Variants in MCM6 observed in about 807,000 individuals in gnomAD.
MCM6 encodes DNA replication licensing factor MCM6.
A neutral mutation model predicts 94.3 loss-of-function variants in MCM6; 46 were observed. The ratio of observed to expected loss-of-function variants is 0.49; its 90% CI spans 0.39 to 0.62. The LOEUF (loss-of-function observed/expected upper bound fraction) is 0.62. Among genes scored for constraint, MCM6 ranks in the 20% least tolerant of loss-of-function variants. The pLI, the probability that MCM6 is intolerant of heterozygous loss-of-function variation, is 0.00. For missense variants in MCM6, 865 were observed against 1,017.9 expected (o/e 0.85, Z 2.04); for synonymous variants, 335 against 351.9 (o/e 0.95, Z 0.54).
intron 8 of MCM6, among the ~76,000 whole-genome samples, chr2:135,860,562 G>A (rs904339789): frequency 6.6e-6 from 1 of 152,152 alleles, no homozygotes; most frequent in Admixed American, 6.5e-5. Flanking sequence ...TGCAAGATTG[G>A]TTTAACATCT....
chr2:135,842,592 A>G (rs768249705), intron 16 of MCM6, among the ~76,000 whole-genome samples: 14 of 152,364 alleles, frequency 9.2e-5, no homozygotes, highest in Non-Finnish European at 2.1e-4. Context: ...CTGCTGGGCC[A>G]TGTTAAACAT....
At chr2:135,846,496 CT>C in intron 14 of MCM6, 104 bp from the exon 15 acceptor site, 1 of 922,278 alleles carries the variant, frequency 1.1e-6, no homozygotes, top group Non-Finnish European at 1.7e-6. Context: ...ATTTTTTTCA[CT>C]TTTAAAAATT....
intron 8 of MCM6, among the ~76,000 whole-genome samples, chr2:135,860,291 C>A (rs1212447008): frequency 2.6e-5 from 4 of 151,698 alleles, no homozygotes; most frequent in Non-Finnish European, 5.9e-5. Flanking sequence ...CGCCACCACA[C>A]CCGGCTAATT....
chr2:135,848,416 T>C (rs1679709656), intron 13 of MCM6, among the ~76,000 whole-genome samples: 1 of 152,220 alleles, frequency 6.6e-6, no homozygotes, highest in East Asian at 1.9e-4. Flanking sequence ...CAATATCAAG[T>C]GTTGTCAAGA....
chr2:135,868,708 T>C lies in MCM6; in HGVS notation c.518A>G (p.Lys173Arg), dbSNP rs778851994. ...TVIRDVEQQFKYTQPNICRNP... is the reference protein window; with the variant it reads ...TVIRDVEQQFRYTQPNICRNP... Reference sequence around the variant, plus strand: ...TCGGCAGATGTTTGGCTGTGTGTATTTGAACTGCTGTTCTACATCCCTGAT... The same window carrying C: ...TCGGCAGATGTTTGGCTGTGTGTATCTGAACTGCTGTTCTACATCCCTGAT... The change falls in exon 4 of 17, where the codon AAA (lysine) becomes AGA (arginine). Residue 173 changes from lysine to arginine, a missense_variant. Physicochemically the swap from Lys to Arg is conservative, Grantham distance 26. Coordinates refer to ENST00000264156, the MANE Select transcript of MCM6 (RefSeq NM_005915.6). The C allele has an allele frequency of 1.9e-5, 31 of 1,614,094 alleles. No homozygotes were observed. Among genetic ancestry groups the C allele is most frequent in the Non-Finnish European group, 2.5e-5 (30 of 1,180,030 alleles).
At chr2:135,870,523 C>A in intron 2 of MCM6, among the ~76,000 whole-genome samples, 162 bp from the exon 3 acceptor site, 1 of 152,120 alleles carries the variant, frequency 6.6e-6, no homozygotes, top group Non-Finnish European at 1.5e-5. Flanking sequence ...AGGTTTAGGA[C>A]CCTCTTTCAG....
intron 13 of MCM6, among the ~76,000 whole-genome samples, chr2:135,848,560 A>G (rs372610535): frequency 6.6e-6 from 1 of 152,176 alleles, no homozygotes; most frequent in Admixed American, 6.6e-5. Flanking sequence ...ACATATATAC[A>G]TATCATATGA....
chr2:135,848,846 C>T (rs1330540387), intron 13 of MCM6, among the ~76,000 whole-genome samples: 2 of 152,130 alleles, frequency 1.3e-5, no homozygotes, highest in Non-Finnish European at 1.5e-5. Context: ...GATTGTGACA[C>T]TGCACTCCAG....
In MCM6 at chr2:135,862,661, TC is replaced by T; in HGVS notation, c.1165del (p.Asp389ThrfsTer2). On this transcript the variant is annotated frameshift_variant, in exon 8 of 17. Transcript: ENST00000264156. LOFTEE classifies it high-confidence loss of function. Reference protein sequence around the residue: ...TTGEGTSLRGDINVCIVGDPS... With the variant: ...TTGEGTSLRGXINVCIVGDPS... The stretch of plus-strand genomic sequence containing the variant: ...GTCACCAACAATGCAAACATTTATG[TC>T]CCCTCGAAGAGAGGTCCCTTCTCCT... 6.2e-7 allele frequency: 1 copy of T among 1,614,186 alleles called. No individual in the cohort carries two copies. Among genetic ancestry groups the T allele is most frequent in the South Asian group, 1.1e-5 (1 of 91,086 alleles).
At chr2:135,867,859 C>T (rs1331107386) in intron 4 of MCM6, among the ~76,000 whole-genome samples, 1 of 152,076 alleles carries the variant, frequency 6.6e-6, no homozygotes, top group Admixed American at 6.5e-5. Context: ...AACCCTGTCT[C>T]TACTAAAAAT....
chr2:135,841,316 C>CCA (rs748894276), intron 16 of MCM6, among the ~76,000 whole-genome samples: 2 of 88,466 alleles, frequency 2.3e-5, no homozygotes, highest in Non-Finnish European at 4.5e-5. Context: ...TACTTAATAT[C>CCA]ATTCAGCAAT....
At chr2:135,867,768 C>T (rs1220064570) in intron 4 of MCM6, among the ~76,000 whole-genome samples, 1 of 152,166 alleles carries the variant, frequency 6.6e-6, no homozygotes, top group Admixed American at 6.5e-5. Flanking sequence ...TGGCTCACGC[C>T]TGTATCCCAG....
intron 14 of MCM6, 22 bp downstream of exon 14, chr2:135,848,031 G>C (rs763678149): frequency 6.3e-7 from 1 of 1,584,750 alleles, no homozygotes; most frequent in African/African-American, 1.3e-5. Flanking sequence ...CTCCAAAACA[G>C]TCACATGAAC....
At chr2:135,855,872 GCATT>G (rs1679864321) in intron 11 of MCM6, among the ~76,000 whole-genome samples, 1 of 151,992 alleles carries the variant, frequency 6.6e-6, no homozygotes, top group Non-Finnish European at 1.5e-5. Flanking sequence ...CATCTGAAGT[GCATT>G]ATTAAATATT....
chr2:135,843,161 A>G (rs543572703), intron 16 of MCM6, among the ~76,000 whole-genome samples: 1 of 152,344 alleles, frequency 6.6e-6, no homozygotes, highest in African/African-American at 2.4e-5. Flanking sequence ...AGTGGAATCA[A>G]GGAGTCAAAG....
intron 4 of MCM6, among the ~76,000 whole-genome samples, chr2:135,867,922 G>A (rs573469646): frequency 6.6e-6 from 1 of 152,234 alleles, no homozygotes; most frequent in South Asian, 2.1e-4. Context: ...AGCTACTCGG[G>A]AGGCTGAGGC....
intron 7 of MCM6, among the ~76,000 whole-genome samples, chr2:135,863,455 C>A (rs1407154707): frequency 6.6e-6 from 1 of 152,182 alleles, no homozygotes; most frequent in Non-Finnish European, 1.5e-5. Flanking sequence ...TGCCTGTAAT[C>A]TGATCACTCT....
At position 135,840,568 on chromosome 2, in the gene MCM6, G is replaced by T. The variant is rs187760399; in HGVS notation, c.*267C>A. On this transcript the variant is annotated 3_prime_UTR_variant, in exon 17 of 17. Coordinates refer to ENST00000264156, the MANE Select transcript of MCM6 (RefSeq NM_005915.6). The stretch of plus-strand genomic sequence containing the variant: ...GCCTTTTCTTACACATGAAAACAAA[G>T]GTATTGGTTATAGAGACTACACATT... The T allele has an allele frequency of 6.1e-6, 2 of 328,268 alleles. No individual in the cohort carries two copies. The highest frequency in any genetic ancestry group is 2.1e-5 in the African/African-American group (1 of 47,568). 20.3% of individuals were successfully genotyped at this position (328,268 alleles called of 1,614,324 possible).
In MCM6 at chr2:135,841,830, C is replaced by T. The variant is rs550870401; in HGVS notation, c.2350-879G>A. ...ATTTTAAAAGGTAATCCAGGCTGAG[C>T]GCAGTAGCTCATGCCTGTAATCCCA... is the stretch of plus-strand genomic sequence containing the variant. On this transcript the variant is annotated intron_variant, in intron 16 of 16. Transcript: ENST00000264156. Among the ~76,000 whole-genome samples, 21 of 152,264 alleles carry T rather than the reference C, an allele frequency of 1.4e-4. No homozygotes were observed. The South Asian group carries it at 1.5e-3, about 11-fold the overall frequency.
Sources: gnomAD v4.1 joint callset for allele counts (sites outside exome capture counted in the v4.1 genomes callset) on GRCh38, gnomAD v4.1.1 for gene constraint, MANE v1.5 for transcripts, NCBI Gene and HGNC (gene_info 2026-07-23, HGNC 2026-07-21) for gene names.